OPCML: variants seen among roughly 807,000 people sequenced by gnomAD.
OPCML encodes opioid binding protein/cell adhesion molecule like.
A neutral mutation model predicts 37.8 loss-of-function variants in OPCML; 13 were observed. That is an observed-to-expected ratio of 0.34 (90% CI 0.22 to 0.55). OPCML has a LOEUF of 0.55. Ranked by LOEUF, OPCML falls within the 20% of genes least tolerant of loss-of-function variation. The probability of loss-of-function intolerance (pLI) is 0.91; values close to 1 mark genes in which losing one functional copy is unlikely to be tolerated. For missense variants in OPCML, 341 were observed against 435.6 expected (o/e 0.78, Z 1.93); for synonymous variants, 176 against 168.8 (o/e 1.04, Z -0.33).
chr11:132,641,710 G>A (rs1358888503), intron 3 of OPCML, among the ~76,000 whole-genome samples: 1 of 152,184 alleles, frequency 6.6e-6, no homozygotes, highest in African/African-American at 2.4e-5. Flanking sequence ...CTGCTGTGGG[G>A]ACATTTTGCC....
intron 1 of OPCML, among the ~76,000 whole-genome samples, chr11:133,470,932 G>T (rs1201469737): frequency 6.6e-6 from 1 of 152,192 alleles, no homozygotes; most frequent in African/African-American, 2.4e-5. Flanking sequence ...AAAAGGCAGA[G>T]AGTTGGCAAA....
intron 3 of OPCML, among the ~76,000 whole-genome samples, chr11:132,605,715 C>T (rs1340049449): frequency 6.6e-6 from 1 of 152,190 alleles, no homozygotes; most frequent in African/African-American, 2.4e-5. Flanking sequence ...CACACTCAGA[C>T]TTCATCAATG....
intron 1 of OPCML, among the ~76,000 whole-genome samples, chr11:133,080,472 ATG>A (rs763910172): frequency 8.0e-5 from 10 of 124,674 alleles, no homozygotes; most frequent in Non-Finnish European, 1.2e-4. Flanking sequence ...TGGTAATCAA[ATG>A]TTTTTTTTTT....
chr11:133,403,144 A>G (rs913855792), intron 1 of OPCML, among the ~76,000 whole-genome samples: 1 of 152,218 alleles, frequency 6.6e-6, no homozygotes, highest in African/African-American at 2.4e-5. Flanking sequence ...GGTCTCTACC[A>G]CTTACTGTGT....
chr11:133,526,972 C>T (rs902492463), intron 1 of OPCML, among the ~76,000 whole-genome samples: 4 of 152,182 alleles, frequency 2.6e-5, no homozygotes, highest in African/African-American at 9.7e-5. Flanking sequence ...TTGTCAGCAG[C>T]CACAGACCAT....
chr11:133,250,081 A>G (rs1764420076), intron 1 of OPCML, among the ~76,000 whole-genome samples: 1 of 152,266 alleles, frequency 6.6e-6, no homozygotes, highest in African/African-American at 2.4e-5. Flanking sequence ...ATCATAAAGT[A>G]TAGACACTTT....
intron 1 of OPCML, among the ~76,000 whole-genome samples, chr11:133,451,648 G>A (rs574716359): frequency 6.6e-6 from 1 of 151,418 alleles, no homozygotes; most frequent in Admixed American, 6.6e-5. Flanking sequence ...TTTGACACCA[G>A]CCTGGCCAAA....
In OPCML at chr11:133,324,589, CT is replaced by C. The variant is rs1274602474; in HGVS notation, c.61+207674del. Among the ~76,000 whole-genome samples, 10 of 152,302 alleles carry C rather than the reference CT, an allele frequency of 6.6e-5. No homozygotes were observed. The East Asian group carries it at 1.9e-3, about 29-fold the overall frequency. On this transcript the variant is annotated intron_variant, in intron 1 of 7. Transcript: ENST00000524381. The stretch of plus-strand genomic sequence containing the variant: ...AGCAACTGCTAAGACGCCTACGGGC[CT>C]CTGTGCCCCAGGTGGGCTGTCTCTC...
At chr11:132,476,612 T>C (rs1319686489) in intron 4 of OPCML, among the ~76,000 whole-genome samples, 1 of 152,062 alleles carries the variant, frequency 6.6e-6, no homozygotes, top group Non-Finnish European at 1.5e-5. Context: ...ACACCGCATG[T>C]TCTCACTCAT....
rs929660858 is a variant in OPCML at position 133,356,495 on chromosome 11, G to A, written c.61+175769C>T. Among the ~76,000 whole-genome samples, 6 of 152,164 alleles carry A rather than the reference G, an allele frequency of 3.9e-5. No homozygotes were observed. In the South Asian group the frequency reaches 1.0e-3, roughly 26 times the overall value. On this transcript the variant is annotated intron_variant, in intron 1 of 7. Transcript: ENST00000524381. The stretch of plus-strand genomic sequence containing the variant: ...CCGTGTGAGAAAGTAGGAGCCAGAG[G>A]GTTGTCAGGCGCCTTGTCACCATGT...
At position 133,096,926 on chromosome 11, in the gene OPCML, A is replaced by G. The variant is rs73039147; in HGVS notation, c.62-153916T>C. On this transcript the variant is annotated intron_variant, in intron 1 of 7. Transcript: ENST00000524381. Reference sequence around the variant, plus strand: ...AACTGATAGAACCGCAAGGAGAAACAGATGAATCCATGATTATAGTTGGGG... The same window carrying G: ...AACTGATAGAACCGCAAGGAGAAACGGATGAATCCATGATTATAGTTGGGG... Among the ~76,000 whole-genome samples the G allele has an allele frequency of 5.7e-3, 870 of 152,310 alleles. 6 individuals carry two copies. Among genetic ancestry groups the G allele is most frequent in the Non-Finnish European group, 8.6e-3 (587 of 67,990 alleles).
Position 133,422,558 on chromosome 11 carries a change from C to T in OPCML, c.61+109706G>A, listed in dbSNP as rs146241441. 502 of 954,810 alleles carry T rather than the reference C, an allele frequency of 5.3e-4. No homozygotes were observed. The African/African-American group carries it at 7.6e-3, about 14-fold the overall frequency. 59.1% of individuals were successfully genotyped at this position (954,810 alleles called of 1,614,324 possible). The stretch of plus-strand genomic sequence containing the variant: ...CTCTACCGCCCAGGCTGGAGTGCAG[C>T]GGTGCGAACATGCTCCTCAAACTCC... On this transcript the variant is annotated intron_variant, in intron 1 of 7. Transcript: ENST00000524381.
At chr11:132,769,240 G>GTTTTT (rs374516026) in intron 2 of OPCML, among the ~76,000 whole-genome samples, 3 of 146,546 alleles carry the variant, frequency 2.0e-5, no homozygotes, top group African/African-American at 2.5e-5. Context: ...TGGTTTGTTT[G>GTTTTT]TTGTTTTTTT....
intron 2 of OPCML, among the ~76,000 whole-genome samples, chr11:132,667,352 C>A (rs1214971447): frequency 1.3e-5 from 2 of 152,166 alleles, no homozygotes. Flanking sequence ...GGACCATGGT[C>A]TGCATTTCCA....
intron 3 of OPCML, among the ~76,000 whole-genome samples, chr11:132,574,278 T>G (rs1459616342): frequency 1.4e-5 from 2 of 143,776 alleles, no homozygotes; most frequent in Admixed American, 6.7e-5. Flanking sequence ...TTTGTTTGTT[T>G]GTTTTTGCCT....
At position 133,458,509 on chromosome 11, in the gene OPCML, T is replaced by C. The variant is rs867314452; in HGVS notation, c.61+73755A>G. Among the ~76,000 whole-genome samples the C allele has an allele frequency of 1.3e-4, 16 of 119,158 alleles. 2 individuals are homozygous for C. The highest frequency in any genetic ancestry group is 2.5e-4 in the African/African-American group (4 of 16,142). The allele number at this position is 119,158 out of a possible 152,430, so 78.2% of individuals were successfully genotyped here. On this transcript the variant is annotated intron_variant, in intron 1 of 7. Transcript: ENST00000524381. ...ACATATATACACGTGTGTGTGTATATACACATATATACACTGTGTGTGTAT... is the reference window on the plus strand; with the variant it reads ...ACATATATACACGTGTGTGTGTATACACACATATATACACTGTGTGTGTAT...
chr11:133,492,245 C>G (rs1158178332), intron 1 of OPCML, among the ~76,000 whole-genome samples: 1 of 152,154 alleles, frequency 6.6e-6, no homozygotes, highest in African/African-American at 2.4e-5. Context: ...AACCTGCCTC[C>G]CCACCGCACT....
In OPCML at chr11:132,419,565, G is replaced by C. The variant is rs1417618726; in HGVS notation, c.*628C>G. On this transcript the variant is annotated 3_prime_UTR_variant, in exon 8 of 8. Transcript: ENST00000524381. ...CCCAAACTTCAAATCTCTGCAGATG[G>C]TGGAAGGAATGAGTAGAGCGGAGGG... The C allele has an allele frequency of 6.6e-6, 1 of 152,182 alleles. No homozygotes were observed. Among genetic ancestry groups the C allele is most frequent in the African/African-American group, 2.4e-5 (1 of 41,422 alleles). The allele number at this position is 152,182 out of a possible 1,614,324, so 9.4% of individuals were successfully genotyped here.
At chr11:132,663,352 T>C (rs1329217473) in intron 2 of OPCML, among the ~76,000 whole-genome samples, 1 of 152,254 alleles carries the variant, frequency 6.6e-6, no homozygotes, top group Non-Finnish European at 1.5e-5. Context: ...GGGACATATA[T>C]GTGTCTTTCT....
Sources: allele counts gnomAD v4.1 joint callset (sites outside exome capture counted in the v4.1 genomes callset), GRCh38; gene constraint gnomAD v4.1.1; transcripts MANE v1.5; gene names NCBI Gene and HGNC (gene_info 2026-07-23, HGNC 2026-07-21).